ALDH18A1: variants seen among roughly 807,000 people sequenced by gnomAD.
The protein encoded by ALDH18A1 is aldehyde dehydrogenase 18 family member A1.
In ALDH18A1, 44 loss-of-function variants were observed where a neutral mutation model predicts 88.8. The ratio of observed to expected loss-of-function variants is 0.50; its 90% confidence interval spans 0.39 to 0.64. ALDH18A1 has a LOEUF of 0.64. Among genes scored for constraint, ALDH18A1 ranks in the 30% least tolerant of loss-of-function variants. The pLI is 0.00. For synonymous variants in ALDH18A1, 331 were observed against 372.1 expected, an observed-to-expected ratio of 0.89 and a Z score of 1.27; for missense variants, 782 against 1,009.5, an observed-to-expected ratio of 0.77 and a Z score of 3.05.
intron 2 of ALDH18A1, among the ~76,000 whole-genome samples, chr10:95,652,218 T>C (rs1324514420): frequency 6.6e-6 from 1 of 152,180 alleles, no homozygotes; most frequent in East Asian, 1.9e-4. Context: ...GGGTTAGTAA[T>C]AGGGAAGAGG....
At chr10:95,613,113 A>T (rs185285273) in intron 15 of ALDH18A1, among the ~76,000 whole-genome samples, 1 of 152,390 alleles carries the variant, frequency 6.6e-6, no homozygotes, top group Non-Finnish European at 1.5e-5. Flanking sequence ...CCATGCAGAG[A>T]GTTTAACAGA....
At chr10:95,648,998 A>G (rs969046677) in intron 2 of ALDH18A1, among the ~76,000 whole-genome samples, 1 of 152,216 alleles carries the variant, frequency 6.6e-6, no homozygotes, top group African/African-American at 2.4e-5. Flanking sequence ...TTAATAGGAA[A>G]GAGATTTTTC....
At position 95,637,273 on chromosome 10, in the gene ALDH18A1, G is replaced by C. The variant is rs919824031; in HGVS notation, c.453+14C>G. The C allele has an allele frequency of 5.0e-6, 8 of 1,614,234 alleles. No homozygotes were observed. Among genetic ancestry groups the C allele is most frequent in the Admixed American group, 3.3e-5 (2 of 60,018 alleles). ...CTGAAGATCCATTTCAATGTGTGGG[G>C]AAGCAGCACTCACCATTTCTTTCAG... On this transcript the variant is annotated intron_variant, in intron 4 of 17. Transcript: ENST00000371224.
chr10:95,618,933 T>C (rs945939035), intron 12 of ALDH18A1, among the ~76,000 whole-genome samples: 4 of 152,176 alleles, frequency 2.6e-5, no homozygotes, highest in African/African-American at 9.6e-5. Flanking sequence ...AAAATGGACA[T>C]ATGAACAACT....
In ALDH18A1 at chr10:95,641,786, G is replaced by A. The variant is rs1589555260; in HGVS notation, c.303+1206C>T. Among the ~76,000 whole-genome samples, 4 of 152,082 alleles carry A rather than the reference G, an allele frequency of 2.6e-5. No homozygotes were observed. The South Asian group carries it at 6.2e-4, about 24-fold the overall frequency. ...CCCGAGTAGCCGGGGCCACAGGAACGTGCCACATGCCTGGCTAATTTTTAA... is the reference window on the plus strand; with the variant it reads ...CCCGAGTAGCCGGGGCCACAGGAACATGCCACATGCCTGGCTAATTTTTAA... On this transcript the variant is annotated intron_variant, in intron 3 of 17. Coordinates refer to ENST00000371224, the MANE Select transcript of ALDH18A1 (RefSeq NM_002860.4).
At chr10:95,634,392 C>T (rs2097876799) in intron 5 of ALDH18A1, among the ~76,000 whole-genome samples, 1 of 152,220 alleles carries the variant, frequency 6.6e-6, no homozygotes, top group African/African-American at 2.4e-5. Context: ...ATGCACACCG[C>T]TGTGCCCCAG....
At chr10:95,634,431 G>C (rs1163974995) in intron 5 of ALDH18A1, among the ~76,000 whole-genome samples, 2 of 152,180 alleles carry the variant, frequency 1.3e-5, no homozygotes, top group East Asian at 1.9e-4. Flanking sequence ...TGTATTCTAG[G>C]ATCTGATTCA....
In ALDH18A1 at chr10:95,656,674, C is replaced by T. The variant is rs1424002962; in HGVS notation, c.-106G>A. ...CACGCCGGGCTGATTCCGGCGCTCG[C>T]TCACTCTCTTTTTTCTTCCGTCCAC... On this transcript the variant is annotated 5_prime_UTR_variant, in exon 1 of 18. Coordinates refer to ENST00000371224, the MANE Select transcript of ALDH18A1 (RefSeq NM_002860.4). The T allele has an allele frequency of 6.6e-6, 1 of 152,636 alleles. No homozygotes were observed. Among genetic ancestry groups the T allele is most frequent in the Non-Finnish European group, 1.5e-5 (1 of 68,354 alleles). The allele number at this position is 152,636 out of a possible 1,614,324, so 9.5% of individuals were successfully genotyped here. A position where few individuals can be genotyped will look rare whatever the true frequency, so the allele number is the denominator to read the frequency against.
At chr10:95,616,637 TG>T in intron 12 of ALDH18A1, 23 bp from the exon 13 acceptor site, 2 of 1,597,274 alleles carry the variant, frequency 1.3e-6, no homozygotes, top group Admixed American at 1.7e-5. Flanking sequence ...GGGAGAGCAG[TG>T]GATCAAAGGA....
Position 95,627,598 on chromosome 10 carries a change from G to A in ALDH18A1, c.934-12C>T. 1 of 1,613,884 alleles carries A rather than the reference G, an allele frequency of 6.2e-7. No individual in the cohort carries two copies. Among genetic ancestry groups the A allele is most frequent in the Non-Finnish European group, 8.5e-7 (1 of 1,179,860 alleles). ...AGGGCTGCTTTCACCTAATGAGACAGGTTAGATCCAGTAAAGATGAGATTC... is the reference window on the plus strand; with the variant it reads ...AGGGCTGCTTTCACCTAATGAGACAAGTTAGATCCAGTAAAGATGAGATTC... On this transcript the variant is annotated splice_polypyrimidine_tract_variant and intron_variant, in intron 8 of 17. Coordinates refer to ENST00000371224, the MANE Select transcript of ALDH18A1 (RefSeq NM_002860.4).
intron 2 of ALDH18A1, among the ~76,000 whole-genome samples, chr10:95,649,075 C>G (rs1435435662): frequency 6.6e-6 from 1 of 152,136 alleles, no homozygotes; most frequent in Non-Finnish European, 1.5e-5. Context: ...AAATGGACTA[C>G]TGATAAGATT....
chr10:95,611,786 A>C (rs1049180559), intron 15 of ALDH18A1, among the ~76,000 whole-genome samples: 1 of 152,094 alleles, frequency 6.6e-6, no homozygotes. Flanking sequence ...CAACCTGGCC[A>C]ACATGGTGAA....
Position 95,633,624 on chromosome 10 carries a change from T to G in ALDH18A1, c.584A>C (p.His195Pro). 1 of 1,614,082 alleles carries G rather than the reference T, an allele frequency of 6.2e-7. No homozygotes were observed. The highest frequency in any genetic ancestry group is 8.5e-7 in the Non-Finnish European group (1 of 1,180,004). The change falls in exon 6 of 18, where the codon CAT becomes CCT. Residue 195 changes from histidine to proline, a missense_variant. By Grantham distance (77) the His-to-Pro change is moderately conservative (BLOSUM62 -2). Transcript: ENST00000371224. Reference sequence around the variant, plus strand: ...GAGGTTCCGGCGCTTCTGCTCATCATGGAAATCCAAATTGGTCACCAAAAT... The same window carrying G: ...GAGGTTCCGGCGCTTCTGCTCATCAGGGAAATCCAAATTGGTCACCAAAAT... ...AQILVTNLDF[H>P]DEQKRRNLNG...
intron 2 of ALDH18A1, 120 bp downstream of exon 2, chr10:95,653,170 A>T: frequency 1.0e-6 from 1 of 991,104 alleles, no homozygotes; most frequent in Non-Finnish European, 1.6e-6. Context: ...CCTGTGTGAC[A>T]AAATGAGACC....
intron 16 of ALDH18A1, 27 bp from the exon 17 acceptor site, chr10:95,610,319 G>A: frequency 6.2e-7 from 1 of 1,607,614 alleles, no homozygotes; most frequent in Non-Finnish European, 8.5e-7. Flanking sequence ...GAGAAACCAA[G>A]TTAGGATGAT....
rs1331782307 is a variant in ALDH18A1, at chr10:95,613,763, A to G, written c.1902T>C (p.Ile634=). 6.2e-7 allele frequency: 1 copy of G among 1,614,124 alleles called. No homozygotes were observed. Residue 634 remains isoleucine, a synonymous_variant, in exon 15 of 18, where the codon ATT becomes ATC. Coordinates refer to ENST00000371224, the MANE Select transcript of ALDH18A1 (RefSeq NM_002860.4). ...LLRTPLFDQI[I]DMLRVEQVKI... is the part of the protein sequence containing the mutation. Reference sequence around the variant, plus strand: ...TTACCTGTTCCACTCTCAGCATATCAATGATCTGGTCAAATAATGGTGTCC... The same window carrying G: ...TTACCTGTTCCACTCTCAGCATATCGATGATCTGGTCAAATAATGGTGTCC...
chr10:95,625,518 GT>G, intron 10 of ALDH18A1, 63 bp from the exon 11 acceptor site: 1 of 1,400,510 alleles, frequency 7.1e-7, no homozygotes, highest in Non-Finnish European at 1.0e-6. Context: ...GCACACCACA[GT>G]TTTTAAACCT....
At chr10:95,648,633 A>G (rs1374909449) in intron 2 of ALDH18A1, among the ~76,000 whole-genome samples, 1 of 152,222 alleles carries the variant, frequency 6.6e-6, no homozygotes, top group East Asian at 1.9e-4. Flanking sequence ...TTCTGAGTTT[A>G]CATCTCAAGA....
At chr10:95,624,430 A>G (rs2097857690) in intron 11 of ALDH18A1, among the ~76,000 whole-genome samples, 1 of 152,242 alleles carries the variant, frequency 6.6e-6, no homozygotes, top group Admixed American at 6.5e-5. Context: ...TTGTAATACT[A>G]TAAAAATGAG....
Sources: allele counts gnomAD v4.1 joint callset (sites outside exome capture counted in the v4.1 genomes callset), GRCh38; gene constraint gnomAD v4.1.1; transcripts MANE v1.5; gene names NCBI Gene and HGNC (gene_info 2026-07-23, HGNC 2026-07-21).